Variants in MGMT observed in about 807,000 individuals in gnomAD.
MGMT encodes methylated-DNA--protein-cysteine methyltransferase.
Under a neutral mutation model 15.9 loss-of-function variants are expected in MGMT, and 14 were observed. That is an observed-to-expected ratio of 0.88 (90% CI 0.58 to 1.37). The LOEUF (loss-of-function observed/expected upper bound fraction) is 1.37, where lower values mean the gene tolerates loss of function less well. Among genes scored for constraint, MGMT ranks in the 40% most tolerant of loss-of-function variants. The probability of loss-of-function intolerance (pLI) is 0.00; values close to 1 mark genes in which losing one functional copy is unlikely to be tolerated. For synonymous variants in MGMT, 130 were observed against 118.2 expected, an observed-to-expected ratio of 1.10 and a Z score of -0.65; for missense variants, 282 against 268.1, an observed-to-expected ratio of 1.05 and a Z score of -0.36.
chr10:129,591,556 G>A (rs139916493), intron 2 of MGMT, among the ~76,000 whole-genome samples: 1 of 152,300 alleles, frequency 6.6e-6, no homozygotes, highest in East Asian at 1.9e-4. Flanking sequence ...CCTAGATCCA[G>A]GCCAGGCCCC....
At chr10:129,685,211 G>A (rs886234822) in intron 2 of MGMT, among the ~76,000 whole-genome samples, 1 of 152,250 alleles carries the variant, frequency 6.6e-6, no homozygotes, top group Non-Finnish European at 1.5e-5. Flanking sequence ...GAATTGTGAT[G>A]ATGGACAAGA....
chr10:129,513,906 TA>T (rs1354009967), intron 1 of MGMT, among the ~76,000 whole-genome samples: 1 of 152,250 alleles, frequency 6.6e-6, no homozygotes. Flanking sequence ...ATCTTTTCTC[TA>T]AAAAACGTTT....
At chr10:129,667,754 G>A (rs144532502) in intron 2 of MGMT, among the ~76,000 whole-genome samples, 6 of 152,322 alleles carry the variant, frequency 3.9e-5, no homozygotes, top group South Asian at 4.1e-4. Context: ...TGCTCCACTC[G>A]GGTGCCCGTT....
intron 3 of MGMT, among the ~76,000 whole-genome samples, chr10:129,758,847 C>G (rs1390238076): frequency 6.6e-6 from 1 of 152,194 alleles, no homozygotes; most frequent in Non-Finnish European, 1.5e-5. Flanking sequence ...GGCGGGCAGG[C>G]AGGGACTTCT....
intron 2 of MGMT, among the ~76,000 whole-genome samples, chr10:129,618,256 A>G (rs1301844298): frequency 1.3e-5 from 2 of 152,228 alleles, no homozygotes; most frequent in East Asian, 3.9e-4. Flanking sequence ...ATTTCAGCTG[A>G]TCAAAGTTTA....
intron 2 of MGMT, among the ~76,000 whole-genome samples, chr10:129,597,565 C>G (rs1564863894): frequency 6.6e-6 from 1 of 152,176 alleles, no homozygotes; most frequent in African/African-American, 2.4e-5. Context: ...TACTGGCTAG[C>G]CATTCCCTTA....
intron 2 of MGMT, among the ~76,000 whole-genome samples, chr10:129,540,530 A>G (rs1846032083): frequency 1.3e-5 from 2 of 152,160 alleles, no homozygotes; most frequent in Admixed American, 6.5e-5. Context: ...CACTGTGTGG[A>G]ATTTTTGTCA....
chr10:129,671,222 G>A (rs569847070), intron 2 of MGMT, among the ~76,000 whole-genome samples: 3 of 152,254 alleles, frequency 2.0e-5, no homozygotes, highest in East Asian at 1.9e-4. Context: ...TCCAATTATT[G>A]TACTAATTGT....
chr10:129,734,167 C>T (rs78620180), intron 3 of MGMT, among the ~76,000 whole-genome samples: 29,187 of 141,470 alleles, frequency 0.21, 3,080 homozygotes, highest in East Asian at 0.39. Flanking sequence ...GCCATTTTCA[C>T]GATATTGATT....
intron 2 of MGMT, among the ~76,000 whole-genome samples, chr10:129,579,122 T>C (rs1359124558): frequency 2.0e-5 from 3 of 152,244 alleles, no homozygotes; most frequent in Admixed American, 6.5e-5. Flanking sequence ...ACTCATTTTC[T>C]ATATTGAATT....
rs550745016 is a variant in MGMT, at chr10:129,643,136, C to T, written c.126-64759C>T. On this transcript the variant is annotated intron_variant, in intron 2 of 4. Transcript: ENST00000651593. ...AAATGCCGCTGTCATGTTTTTGTCT[C>T]GTGCGCTTCCCCTTCACCTTCATCC... 1.6e-4 allele frequency among the ~76,000 whole-genome samples: 24 copies of T among 152,164 alleles called. No individual in the cohort carries two copies. In the South Asian group the frequency reaches 3.1e-3, roughly 20 times the overall value.
At chr10:129,515,850 AT>A (rs1845732909) in intron 1 of MGMT, among the ~76,000 whole-genome samples, 1 of 151,740 alleles carries the variant, frequency 6.6e-6, no homozygotes, top group African/African-American at 2.4e-5. Flanking sequence ...TCACATTTAA[AT>A]GTCTCTGCCT....
chr10:129,657,705 ACGCACACACACACACACACACACC>A (rs1403904585), intron 2 of MGMT, among the ~76,000 whole-genome samples: 8 of 137,694 alleles, frequency 5.8e-5, no homozygotes, highest in Admixed American at 2.1e-4. Flanking sequence ...ACACACACAC[ACGCACACACACACACACACACACC>A]CCCTCTCCCC....
At chr10:129,546,202 C>T (rs1846096574) in intron 2 of MGMT, among the ~76,000 whole-genome samples, 1 of 152,236 alleles carries the variant, frequency 6.6e-6, no homozygotes, top group Non-Finnish European at 1.5e-5. Flanking sequence ...CCAGAATGTG[C>T]AGCCCCACCT....
chr10:129,552,983 G>T (rs368046109), intron 2 of MGMT, among the ~76,000 whole-genome samples: 4 of 152,284 alleles, frequency 2.6e-5, no homozygotes, highest in South Asian at 4.1e-4. Flanking sequence ...TTTTCAAGCA[G>T]TAAAAACATT....
chr10:129,638,434 AAAAAAAAAAAAG>A (rs1464627831), intron 2 of MGMT, among the ~76,000 whole-genome samples: 10 of 129,878 alleles, frequency 7.7e-5, no homozygotes, highest in Non-Finnish European at 9.6e-5. Context: ...AGAGGCAAAA[AAAAAAAAAAAAG>A]AAAAAAAAAA....
At chr10:129,613,711 C>T (rs915818839) in intron 2 of MGMT, among the ~76,000 whole-genome samples, 3 of 152,208 alleles carry the variant, frequency 2.0e-5, no homozygotes, top group Non-Finnish European at 4.4e-5. Context: ...GGAGTCTTGG[C>T]GGGAGGCTGG....
chr10:129,767,079 T>G lies in MGMT; in HGVS notation c.*82T>G. The G allele has an allele frequency of 8.4e-7, 1 of 1,187,098 alleles. No homozygotes were observed. 73.5% of individuals were successfully genotyped at this position (1,187,098 alleles called of 1,614,324 possible). ...GCGGGGCGTGGAGGCACCGCTGTAT[T>G]AAAGGAAGTGGCAGTGTCCTGGGAA... On this transcript the variant is annotated 3_prime_UTR_variant, in exon 5 of 5. Transcript: ENST00000651593.
At chr10:129,673,319 A>G (rs914530738) in intron 2 of MGMT, among the ~76,000 whole-genome samples, 10 of 152,296 alleles carry the variant, frequency 6.6e-5, no homozygotes, top group Non-Finnish European at 1.3e-4. Flanking sequence ...TATAAGCAAC[A>G]CTAACAACAA....
Sources: allele counts gnomAD v4.1 joint callset (sites outside exome capture counted in the v4.1 genomes callset), GRCh38; gene constraint gnomAD v4.1.1; transcripts MANE v1.5; gene names NCBI Gene and HGNC (gene_info 2026-07-23, HGNC 2026-07-21).